IRAG1: variants seen among roughly 807,000 people sequenced by gnomAD.
IRAG1 encodes the protein IP3R-associated cGMP kinase substrate.
Under a neutral mutation model 106.2 loss-of-function variants are expected in IRAG1, and 62 were observed. The ratio of observed to expected loss-of-function variants is 0.58; its 90% CI spans 0.48 to 0.72. The LOEUF is 0.72. Ranked by LOEUF, IRAG1 falls within the 30% of genes least tolerant of loss-of-function variation. The pLI is 0.00. For missense variants in IRAG1, 1,064 were observed against 1,140.7 expected (o/e 0.93, Z 0.97); for synonymous variants, 462 against 443.9 (o/e 1.04, Z -0.51).
At chr11:10,622,840 A>G (rs1855934906) in intron 10 of IRAG1, among the ~76,000 whole-genome samples, 1 of 132,030 alleles carries the variant, frequency 7.6e-6, no homozygotes, top group Non-Finnish European at 1.7e-5. Context: ...ATACCTATGC[A>G]GGCCCTAGTA....
intron 1 of IRAG1, among the ~76,000 whole-genome samples, chr11:10,688,648 A>G (rs1861839128): frequency 1.3e-5 from 2 of 151,930 alleles, no homozygotes; most frequent in South Asian, 4.2e-4. Context: ...TTTTGCTGGG[A>G]TGACTCAACT....
At chr11:10,618,090 T>C (rs1855564305) in intron 10 of IRAG1, among the ~76,000 whole-genome samples, 1 of 152,254 alleles carries the variant, frequency 6.6e-6, no homozygotes, top group Non-Finnish European at 1.5e-5. Context: ...TCCCACCTTG[T>C]TGCCCATCTC....
At chr11:10,594,081 G>T in intron 16 of IRAG1, 65 bp downstream of exon 16, 1 of 1,412,984 alleles carries the variant, frequency 7.1e-7, no homozygotes, top group Non-Finnish European at 9.8e-7. Context: ...ATGATTGTTT[G>T]GGTGACCATG....
rs543235056 is a variant in IRAG1, at chr11:10,580,526, C to G, written c.2424G>C (p.Gln808His). The G allele has an allele frequency of 2.5e-6, 4 of 1,613,944 alleles. No individual in the cohort carries two copies. The highest frequency in any genetic ancestry group is 1.6e-4 in the Middle Eastern group (1 of 6,062). ...LQDLKEEEEE[Q>H]KSESPEEPEE... is the part of the protein sequence containing the mutation. ...CAGGTTCCTCAGGACTCTCACTCTT[C>G]TGTTCTTCCTCCTCCTCCTTCAGGT... The change falls in exon 20 of 21, where the codon CAG (glutamine) becomes CAC (histidine). Residue 808 changes from glutamine to histidine, a missense_variant. Physicochemically the swap from Gln to His is conservative, Grantham distance 24. Coordinates refer to ENST00000423302, the MANE Select transcript of IRAG1 (RefSeq NM_130385.4).
Position 10,634,866 on chromosome 11 carries a change from A to G in IRAG1, c.226-795T>C, listed in dbSNP as rs1044956838. On this transcript the variant is annotated intron_variant, in intron 2 of 20. Transcript: ENST00000423302. ...ATTGACAGACATTTAGATTGTTTCC[A>G]TACCTTGTCTATTGTGAATAGTGCA... is the stretch of plus-strand genomic sequence containing the variant. 2.0e-5 allele frequency among the ~76,000 whole-genome samples: 3 copies of G among 151,866 alleles called. No homozygotes were observed. In the East Asian group the frequency reaches 5.8e-4, roughly 29 times the overall value.
At chr11:10,634,558 C>G (rs1231687912) in intron 2 of IRAG1, among the ~76,000 whole-genome samples, 1 of 152,088 alleles carries the variant, frequency 6.6e-6, no homozygotes, top group Non-Finnish European at 1.5e-5. Context: ...TTTCTCCCAC[C>G]CCCAGTCACT....
chr11:10,668,563 T>TG (rs1415046896), intron 1 of IRAG1, among the ~76,000 whole-genome samples: 1 of 152,230 alleles, frequency 6.6e-6, no homozygotes, highest in Non-Finnish European at 1.5e-5. Context: ...TGAGGGCAAT[T>TG]GAGTAGTTGA....
At chr11:10,681,038 T>A (rs964082721) in intron 1 of IRAG1, among the ~76,000 whole-genome samples, 1 of 152,218 alleles carries the variant, frequency 6.6e-6, no homozygotes, top group Non-Finnish European at 1.5e-5. Context: ...TTGATCCATC[T>A]TCCTGGGTCT....
At chr11:10,591,699 C>CG in intron 17 of IRAG1, 87 bp from the exon 18 acceptor site, 1 of 1,205,614 alleles carries the variant, frequency 8.3e-7, no homozygotes, top group South Asian at 1.3e-5. Context: ...ATGCTGGGAG[C>CG]GGGGCTGCTG....
intron 1 of IRAG1, among the ~76,000 whole-genome samples, chr11:10,686,167 T>G (rs2135249431): frequency 6.6e-6 from 1 of 152,302 alleles, no homozygotes; most frequent in African/African-American, 2.4e-5. Context: ...TAATAATTAC[T>G]TATTGGGTAC....
intron 2 of IRAG1, among the ~76,000 whole-genome samples, chr11:10,646,748 C>T (rs549402919): frequency 4.6e-5 from 7 of 152,294 alleles, no homozygotes; most frequent in East Asian, 3.9e-4. Flanking sequence ...AGAGCATCAA[C>T]GAATGAAACA....
chr11:10,690,944 G>A (rs1862008688), intron 1 of IRAG1, among the ~76,000 whole-genome samples: 1 of 152,128 alleles, frequency 6.6e-6, no homozygotes, highest in Non-Finnish European at 1.5e-5. Flanking sequence ...CAGAGTCTGG[G>A]GGCCCCAAGC....
chr11:10,603,104 G>C lies in IRAG1; in HGVS notation c.1875+16C>G. 1.9e-6 allele frequency: 3 copies of C among 1,605,942 alleles called. No homozygotes were observed. Among genetic ancestry groups the C allele is most frequent in the Non-Finnish European group, 2.5e-6 (3 of 1,176,962 alleles). On this transcript the variant is annotated intron_variant, in intron 14 of 20. Transcript: ENST00000423302. Reference sequence around the variant, plus strand: ...GTGGAACAGAGTTGGCAAGACCGGGGGCTGGAGAGACTCACCTGGCGGACG... The same window carrying C: ...GTGGAACAGAGTTGGCAAGACCGGGCGCTGGAGAGACTCACCTGGCGGACG...
intron 1 of IRAG1, among the ~76,000 whole-genome samples, chr11:10,670,674 C>T (rs1860147094): frequency 1.3e-5 from 2 of 152,172 alleles, no homozygotes; most frequent in African/African-American, 4.8e-5. Flanking sequence ...TATTTGGAGA[C>T]AGGGCCTTTA....
chr11:10,632,183 T>C (rs1856747674), intron 3 of IRAG1, 122 bp from the exon 4 acceptor site: 5 of 678,094 alleles, frequency 7.4e-6, no homozygotes, highest in East Asian at 5.8e-5. Context: ...TCTTTCCTTC[T>C]TTCTTTCTTT....
chr11:10,587,476 G>A (rs1417502255), intron 18 of IRAG1, among the ~76,000 whole-genome samples: 2 of 152,160 alleles, frequency 1.3e-5, no homozygotes, highest in African/African-American at 2.4e-5. Flanking sequence ...TGGGTGGCGG[G>A]AGGGAGGAAT....
At chr11:10,680,524 A>AAGG (rs1861155828) in intron 1 of IRAG1, among the ~76,000 whole-genome samples, 1 of 139,034 alleles carries the variant, frequency 7.2e-6, no homozygotes, top group African/African-American at 2.9e-5. Flanking sequence ...AGAAAGGAAG[A>AAGG]AAGGAAGGAA....
chr11:10,670,310 G>A (rs540247052), intron 1 of IRAG1, among the ~76,000 whole-genome samples: 2 of 152,272 alleles, frequency 1.3e-5, no homozygotes, highest in South Asian at 2.1e-4. Flanking sequence ...CAAATTCTAG[G>A]TGTTATGTAC....
chr11:10,631,213 G>A (rs997967020), intron 4 of IRAG1, among the ~76,000 whole-genome samples: 3 of 152,182 alleles, frequency 2.0e-5, no homozygotes, highest in Non-Finnish European at 2.9e-5. Context: ...TTTGGTGTGA[G>A]GTAGTTTGAG....
Sources: gnomAD v4.1 joint callset for allele counts (sites outside exome capture counted in the v4.1 genomes callset) on GRCh38, gnomAD v4.1.1 for gene constraint, MANE v1.5 for transcripts, NCBI Gene and HGNC (gene_info 2026-07-23, HGNC 2026-07-21) for gene names.